Variants in RBFOX1 observed in about 807,000 individuals in gnomAD.
The protein encoded by RBFOX1 is RNA binding fox-1 homolog 1.
A neutral mutation model predicts 57.7 loss-of-function variants in RBFOX1; 8 were observed. The ratio of observed to expected loss-of-function variants is 0.14; its 90% confidence interval spans 0.08 to 0.25. RBFOX1 has a LOEUF of 0.25. Among genes scored for constraint, RBFOX1 ranks in the 10% least tolerant of loss-of-function variants. The pLI, the probability that RBFOX1 is intolerant of heterozygous loss-of-function variation, is 1.00. For missense variants in RBFOX1, 611 were observed against 548.5 expected, an observed-to-expected ratio of 1.11 and a Z score of -1.14; for synonymous variants, 326 against 222.4, an observed-to-expected ratio of 1.47 and a Z score of -4.15.
intron 1 of RBFOX1, among the ~76,000 whole-genome samples, chr16:5,355,008 TGAGA>T (rs138001339): frequency 0.65 from 98,499 of 151,008 alleles, 35,013 homozygotes; most frequent in East Asian, 0.99. Context: ...TATGTGTATA[TGAGA>T]GAGAGAGAGG....
At chr16:6,209,682 G>A (rs2097279910) in intron 1 of RBFOX1, among the ~76,000 whole-genome samples, 1 of 152,190 alleles carries the variant, frequency 6.6e-6, no homozygotes, top group Non-Finnish European at 1.5e-5. Flanking sequence ...GCTAAGCACA[G>A]ACTGTCTGAT....
chr16:7,709,163 C>T (rs1042767062), intron 15 of RBFOX1, 32 bp downstream of exon 15: 3 of 1,561,494 alleles, frequency 1.9e-6, no homozygotes, highest in Non-Finnish European at 2.6e-6. Context: ...TCCTCACTTC[C>T]TCCTGCCTCC....
chr16:6,682,069 T>C (rs1454521809), intron 3 of RBFOX1, among the ~76,000 whole-genome samples: 2 of 152,238 alleles, frequency 1.3e-5, no homozygotes, highest in Admixed American at 1.3e-4. Flanking sequence ...CCAGTTTGTT[T>C]TGCCCAATAG....
intron 7 of RBFOX1, among the ~76,000 whole-genome samples, chr16:7,588,811 C>T (rs1218984125): frequency 6.6e-6 from 1 of 152,032 alleles, no homozygotes; most frequent in Non-Finnish European, 1.5e-5. Context: ...TTCCTCCCTC[C>T]TAAGTAAATT....
At chr16:7,246,700 A>G (rs1336083399) in intron 4 of RBFOX1, among the ~76,000 whole-genome samples, 1 of 149,750 alleles carries the variant, frequency 6.7e-6, no homozygotes, top group African/African-American at 2.5e-5. Context: ...CTCCTTGGTA[A>G]AACAGAACTC....
chr16:7,322,062 C>G (rs769777881), intron 4 of RBFOX1, among the ~76,000 whole-genome samples: 1 of 152,220 alleles, frequency 6.6e-6, no homozygotes, highest in Non-Finnish European at 1.5e-5. Flanking sequence ...TCCTTTTCTC[C>G]TCCAGTGCTG....
At chr16:6,546,268 T>C (rs980227189) in intron 2 of RBFOX1, among the ~76,000 whole-genome samples, 1 of 152,154 alleles carries the variant, frequency 6.6e-6, no homozygotes, top group African/African-American at 2.4e-5. Flanking sequence ...CCTGTCAGAC[T>C]TTGTCCCAAG....
intron 3 of RBFOX1, among the ~76,000 whole-genome samples, chr16:6,719,507 C>A (rs2065512755): frequency 6.6e-6 from 1 of 151,106 alleles, no homozygotes; most frequent in Non-Finnish European, 1.5e-5. Context: ...GTGGCATGAT[C>A]TTGGCTCACT....
chr16:7,244,815 G>T (rs762740006), intron 4 of RBFOX1, among the ~76,000 whole-genome samples: 1 of 152,184 alleles, frequency 6.6e-6, no homozygotes, highest in African/African-American at 2.4e-5. Flanking sequence ...GGCTGTCTTG[G>T]TTTTGTTTCC....
At chr16:7,013,105 C>G (rs533759731) in intron 3 of RBFOX1, among the ~76,000 whole-genome samples, 9 of 152,044 alleles carry the variant, frequency 5.9e-5, no homozygotes, top group Non-Finnish European at 1.3e-4. Context: ...CTCAAAAGTC[C>G]CATCTCCAAA....
chr16:7,381,974 T>G (rs2097788427), intron 4 of RBFOX1, among the ~76,000 whole-genome samples: 1 of 152,196 alleles, frequency 6.6e-6, no homozygotes, highest in African/African-American at 2.4e-5. Context: ...ATGAAATGTT[T>G]CTCCCTTTGA....
chr16:7,332,639 C>G (rs1700435277), intron 4 of RBFOX1: 2 of 425,430 alleles, frequency 4.7e-6, no homozygotes, highest in Admixed American at 9.8e-5. Flanking sequence ...AGCCTGGTTC[C>G]CTCTGTCACT....
intron 3 of RBFOX1, among the ~76,000 whole-genome samples, chr16:6,711,879 C>G (rs544357260): frequency 1.3e-5 from 2 of 152,158 alleles, no homozygotes; most frequent in African/African-American, 4.8e-5. Context: ...GAGGTCTTTA[C>G]TCAAAAACCA....
At chr16:7,694,723 A>C (rs993502821) in intron 14 of RBFOX1, among the ~76,000 whole-genome samples, 1 of 152,148 alleles carries the variant, frequency 6.6e-6, no homozygotes, top group Non-Finnish European at 1.5e-5. Flanking sequence ...AGTGGCAGGG[A>C]ATGTTCCTGC....
rs928050148 is a variant in RBFOX1, at chr16:5,620,157, C to T, written c.318+21196C>T. ...TGTTTCTGAGTAGGCTGCTGGAACC[C>T]GAGGAGCTTTGCGTACATTTTTGCG... On this transcript the variant is annotated intron_variant, in intron 3 of 19. Transcript: ENST00000641259. 3.3e-5 allele frequency among the ~76,000 whole-genome samples: 5 copies of T among 152,148 alleles called. No individual in the cohort carries two copies. In the East Asian group the frequency reaches 5.8e-4, roughly 18 times the overall value.
At chr16:7,079,825 C>T (rs1043831663) in intron 4 of RBFOX1, among the ~76,000 whole-genome samples, 1 of 151,642 alleles carries the variant, frequency 6.6e-6, no homozygotes, top group African/African-American at 2.4e-5. Context: ...CCCATGGTTG[C>T]TAGTGGCTGT....
chr16:7,248,009 A>G (rs1468816651), intron 4 of RBFOX1, among the ~76,000 whole-genome samples: 2 of 152,174 alleles, frequency 1.3e-5, no homozygotes, highest in Non-Finnish European at 2.9e-5. Context: ...TACCCAAATA[A>G]CAAACCTGCA....
At chr16:6,083,586 C>T (rs1001759769) in intron 1 of RBFOX1, among the ~76,000 whole-genome samples, 2 of 152,104 alleles carry the variant, frequency 1.3e-5, no homozygotes, top group Non-Finnish European at 2.9e-5. Context: ...AGATGATCCT[C>T]CAGCCTCAGC....
chr16:5,413,564 G>C (rs944326602), intron 1 of RBFOX1, among the ~76,000 whole-genome samples: 1 of 152,192 alleles, frequency 6.6e-6, no homozygotes, highest in Non-Finnish European at 1.5e-5. Flanking sequence ...CAGCACAGAC[G>C]TAGAACATTT....
Sources: gnomAD v4.1 joint callset for allele counts (sites outside exome capture counted in the v4.1 genomes callset) on GRCh38, gnomAD v4.1.1 for gene constraint, MANE v1.5 for transcripts, NCBI Gene and HGNC (gene_info 2026-07-23, HGNC 2026-07-21) for gene names.